LINGO1: variants seen among roughly 807,000 people sequenced by gnomAD.
The protein encoded by LINGO1 is leucine rich repeat and Ig domain containing 1.
Under a neutral mutation model 37.3 loss-of-function variants are expected in LINGO1, and 11 were observed. That is an observed-to-expected ratio of 0.29 (90% CI 0.19 to 0.49). LINGO1 has a LOEUF of 0.49. Among genes scored for constraint, LINGO1 ranks in the 20% least tolerant of loss-of-function variants. LINGO1 has a pLI of 0.99. For synonymous variants in LINGO1, 387 were observed against 403.0 expected, an observed-to-expected ratio of 0.96 and a Z score of 0.48; for missense variants, 585 against 878.2, an observed-to-expected ratio of 0.67 and a Z score of 4.22.
At chr15:77,815,558 G>A (rs1327434951) in intron 1 of LINGO1, among the ~76,000 whole-genome samples, 1 of 152,170 alleles carries the variant, frequency 6.6e-6, no homozygotes, top group African/African-American at 2.4e-5. Context: ...AGAAACTGAG[G>A]CAGACCCATG....
chr15:77,723,347 C>T (rs1189978014), intron 2 of LINGO1, among the ~76,000 whole-genome samples: 3 of 152,188 alleles, frequency 2.0e-5, no homozygotes, highest in Non-Finnish European at 4.4e-5. Context: ...ATGATGCAGA[C>T]CTGCTAAGAG....
chr15:77,773,107 C>T (rs1009863251), intron 1 of LINGO1, among the ~76,000 whole-genome samples: 16 of 152,158 alleles, frequency 1.1e-4, no homozygotes, highest in African/African-American at 3.9e-4. Flanking sequence ...TGTGGAAAGG[C>T]CAGAGAAGAG....
At chr15:77,752,109 C>T (rs560764659) in intron 1 of LINGO1, among the ~76,000 whole-genome samples, 9 of 152,338 alleles carry the variant, frequency 5.9e-5, no homozygotes, top group Non-Finnish European at 1.0e-4. Flanking sequence ...CCTTTCGTTA[C>T]CCCATGCTGC....
At chr15:77,710,199 CCTTCA>C (rs1325503783) in intron 2 of LINGO1, among the ~76,000 whole-genome samples, 2 of 152,250 alleles carry the variant, frequency 1.3e-5, no homozygotes, top group South Asian at 2.1e-4. Context: ...TCAGCTCCAC[CCTTCA>C]CGTGTCTGCC....
chr15:77,703,341 A>T (rs1021746127), intron 2 of LINGO1, among the ~76,000 whole-genome samples: 2 of 152,168 alleles, frequency 1.3e-5, no homozygotes, highest in Non-Finnish European at 2.9e-5. Context: ...CCACTCTTAG[A>T]ACGTGATTGT....
chr15:77,749,556 C>T (rs1240753843), intron 1 of LINGO1, among the ~76,000 whole-genome samples: 3 of 152,248 alleles, frequency 2.0e-5, no homozygotes, highest in African/African-American at 7.2e-5. Context: ...TAACTCCTGA[C>T]CTCCTTCCTC....
At chr15:77,670,740 C>T (rs535682372) in intron 3 of LINGO1, among the ~76,000 whole-genome samples, 2 of 152,324 alleles carry the variant, frequency 1.3e-5, no homozygotes, top group South Asian at 2.1e-4. Context: ...CCTCCAGACT[C>T]GGTGCAGCAG....
chr15:77,801,419 G>T (rs1478732235), intron 1 of LINGO1, among the ~76,000 whole-genome samples: 1 of 152,150 alleles, frequency 6.6e-6, no homozygotes, highest in Non-Finnish European at 1.5e-5. Flanking sequence ...GCCCATTTCT[G>T]TAATTAACGA....
At position 77,762,821 on chromosome 15, in the gene LINGO1, C is replaced by A. The variant is rs148844248; in HGVS notation, c.-257+24048G>T. On this transcript the variant is annotated intron_variant, in intron 1 of 3. Transcript: ENST00000561686. Reference sequence around the variant, plus strand: ...CACCCGTGCCTGCCAAGCAGCCCCCCACACCTCTTCCCTGCCCCAGGGCTT... The same window carrying A: ...CACCCGTGCCTGCCAAGCAGCCCCCAACACCTCTTCCCTGCCCCAGGGCTT... 3.4e-3 allele frequency among the ~76,000 whole-genome samples: 525 copies of A among 152,282 alleles called. 2 individuals are homozygous for A. Among genetic ancestry groups the A allele is most frequent in the African/African-American group, 0.012 (485 of 41,562 alleles).
chr15:77,735,352 A>G (rs1240288627), intron 1 of LINGO1, among the ~76,000 whole-genome samples: 2 of 152,214 alleles, frequency 1.3e-5, no homozygotes, highest in East Asian at 3.8e-4. Context: ...CTTGCAGCGC[A>G]GCCCCCACCT....
At chr15:77,793,158 G>C (rs1278278807) in intron 2 of LINGO1, among the ~76,000 whole-genome samples, 1 of 152,176 alleles carries the variant, frequency 6.6e-6, no homozygotes, top group African/African-American at 2.4e-5. Context: ...GTTGGTGCCT[G>C]CATCCCTCCT....
intron 3 of LINGO1, among the ~76,000 whole-genome samples, chr15:77,675,152 A>G (rs1314800553): frequency 6.6e-6 from 1 of 152,216 alleles, no homozygotes; most frequent in East Asian, 1.9e-4. Flanking sequence ...GGTGAGGGAA[A>G]GGGGCATTTT....
At chr15:77,769,876 C>G (rs2076567229) in intron 1 of LINGO1, among the ~76,000 whole-genome samples, 1 of 152,178 alleles carries the variant, frequency 6.6e-6, no homozygotes, top group African/African-American at 2.4e-5. Flanking sequence ...AGACGTGAGC[C>G]TGTGCAATTC....
At chr15:77,655,688 G>A (rs897422415) in intron 3 of LINGO1, among the ~76,000 whole-genome samples, 4 of 152,186 alleles carry the variant, frequency 2.6e-5, no homozygotes, top group Admixed American at 2.6e-4. Context: ...GGCCTAATGA[G>A]GTTCATTTGC....
Position 77,615,786 on chromosome 15 carries a change from C to G in LINGO1, c.121G>C (p.Gly41Arg). The change falls in exon 2 of 2, where the codon GGC (glycine) becomes CGC (arginine). Residue 41 changes from glycine (G) to arginine (R), a missense_variant. Physicochemically the swap from Gly to Arg is moderately radical, Grantham distance 125. Around this residue, in one of 4 missense-constraint regions of LINGO1, gnomAD observed 65 missense variants for 57.0 expected, o/e 1.14. Transcript: ENST00000355300. ...GAGCACTCGCAGCGGGGCGGGCAGCCCGTGGCCGAGCCTGACAGCACTGAG... is the reference window on the plus strand; with the variant it reads ...GAGCACTCGCAGCGGGGCGGGCAGCGCGTGGCCGAGCCTGACAGCACTGAG... Reference protein sequence around the residue: ...LGSVLSGSATGCPPRCECSAQ... With the variant: ...LGSVLSGSATRCPPRCECSAQ... 6.4e-7 allele frequency: 1 copy of G among 1,567,514 alleles called. No individual in the cohort carries two copies. The highest frequency in any genetic ancestry group is 1.8e-5 in the Admixed American group (1 of 55,662).
intron 2 of LINGO1, among the ~76,000 whole-genome samples, chr15:77,708,898 A>G (rs1380064213): frequency 6.6e-6 from 1 of 152,214 alleles, no homozygotes; most frequent in African/African-American, 2.4e-5. Context: ...TGGGTGACAG[A>G]GCGAGACTGT....
chr15:77,696,484 G>A (rs1227956072), exon 1 of LINGO1: 1 of 152,398 alleles, frequency 6.6e-6, no homozygotes, highest in Non-Finnish European at 1.5e-5. Flanking sequence ...TCTCTTAGAT[G>A]GAGCTAATAA....
chr15:77,626,250 G>A (rs982812273), intron 1 of LINGO1, among the ~76,000 whole-genome samples: 5 of 147,194 alleles, frequency 3.4e-5, no homozygotes, highest in African/African-American at 1.4e-4. Flanking sequence ...CCCATGGCGG[G>A]GCTGGGTCAG....
chr15:77,627,667 C>T (rs996313668), intron 1 of LINGO1, among the ~76,000 whole-genome samples: 1 of 152,196 alleles, frequency 6.6e-6, no homozygotes, highest in Non-Finnish European at 1.5e-5. Context: ...CACAGGCTCC[C>T]TCCACCTCTT....
Sources: gnomAD v4.1 joint callset for allele counts (sites outside exome capture counted in the v4.1 genomes callset) on GRCh38, gnomAD v4.1.1 for gene constraint, gnomAD v4.1.1 regional missense constraint, MANE v1.5 for transcripts, NCBI Gene and HGNC (gene_info 2026-07-23, HGNC 2026-07-21) for gene names.